The following BMP8B variants were observed in gnomAD, a reference collection of about 807,000 sequenced individuals.
BMP8B encodes the protein bone morphogenetic protein 8 (osteogenic protein 2).
In BMP8B, 17 loss-of-function variants were observed where a neutral mutation model predicts 30.3. The ratio of observed to expected loss-of-function variants is 0.56; its 90% CI spans 0.38 to 0.84. BMP8B has a LOEUF of 0.84. Among genes scored for constraint, BMP8B ranks in the 40% least tolerant of loss-of-function variants. The pLI is 0.00. For missense variants in BMP8B, 253 were observed against 494.6 expected, an observed-to-expected ratio of 0.51 and a Z score of 4.63; for synonymous variants, 131 against 214.7, an observed-to-expected ratio of 0.61 and a Z score of 3.41.
intron 3 of BMP8B, chr1:39,770,774 T>C (rs1382055282): frequency 1.1e-6 from 1 of 876,520 alleles, no homozygotes; most frequent in Admixed American, 3.1e-5. Flanking sequence ...CAGGGTCCCG[T>C]AGCCCGTGGG....
intron 1 of BMP8B, among the ~76,000 whole-genome samples, chr1:39,778,272 C>T (rs1650370948): frequency 6.6e-6 from 1 of 151,814 alleles, no homozygotes; most frequent in South Asian, 2.1e-4. Context: ...CCGACATTCC[C>T]GTTGCTGTGG....
intron 1 of BMP8B, among the ~76,000 whole-genome samples, chr1:39,784,642 G>A (rs1650860154): frequency 8.4e-6 from 1 of 118,574 alleles, no homozygotes; most frequent in Non-Finnish European, 1.9e-5. Context: ...GAAAATGAAA[G>A]AGGTCCCTGG....
rs987573383 is a variant in BMP8B at position 39,758,737 on chromosome 1, T to C, written c.*1682A>G. 1 of 152,316 alleles carries C rather than the reference T, an allele frequency of 6.6e-6. No individual in the cohort carries two copies. The highest frequency in any genetic ancestry group is 1.9e-4 in the East Asian group (1 of 5,206). The allele number at this position is 152,316 out of a possible 1,614,324, so 9.4% of individuals were successfully genotyped here. ...GGTCTCTTCACCTCCAGGCCAGAGC[T>C]GAGATCCCTGTGCTGATAGGGAATT... On this transcript the variant is annotated 3_prime_UTR_variant, in exon 7 of 7. Coordinates refer to ENST00000372827, the MANE Select transcript of BMP8B (RefSeq NM_001720.5).
Position 39,788,658 on chromosome 1 carries a change from C to T in BMP8B, c.-173G>A. The T allele has an allele frequency of 2.1e-6, 1 of 475,438 alleles. No individual in the cohort carries two copies. The highest frequency in any genetic ancestry group is 8.8e-5 in the South Asian group (1 of 11,336). 29.5% of individuals were successfully genotyped at this position (475,438 alleles called of 1,614,324 possible). The stretch of plus-strand genomic sequence containing the variant: ...GCCTCAGCGCGGTCCCTGGAGCGCC[C>T]GCCGCGCGACACCTGTCCTGGCTCC... On this transcript the variant is annotated 5_prime_UTR_variant, in exon 1 of 7. Coordinates refer to ENST00000372827, the MANE Select transcript of BMP8B (RefSeq NM_001720.5). This position sits in a 1 kb window ranked among gnomAD's most constrained non-coding sequence, Gnocchi z 5.8.
chr1:39,785,506 G>A (rs1650910486), intron 1 of BMP8B, among the ~76,000 whole-genome samples: 1 of 152,242 alleles, frequency 6.6e-6, no homozygotes, highest in South Asian at 2.1e-4. Context: ...ATGGTGGGAG[G>A]CCTATGAGAG....
chr1:39,778,018 T>C (rs1453216977), intron 1 of BMP8B, among the ~76,000 whole-genome samples: 1 of 152,240 alleles, frequency 6.6e-6, no homozygotes, highest in Non-Finnish European at 1.5e-5. Context: ...GCTGTTCCTC[T>C]GGACAGCGAG....
intron 1 of BMP8B, among the ~76,000 whole-genome samples, chr1:39,780,975 A>G (rs1333016229): frequency 1.3e-5 from 2 of 152,166 alleles, no homozygotes; most frequent in African/African-American, 4.8e-5. Context: ...GGTCTTCTGA[A>G]CTGTTGAACC....
At chr1:39,776,469 G>A (rs1424996935) in intron 1 of BMP8B, among the ~76,000 whole-genome samples, 1 of 152,220 alleles carries the variant, frequency 6.6e-6, no homozygotes, top group African/African-American at 2.4e-5. Context: ...CAGTGACCAC[G>A]GTCAGGTTTG....
intron 1 of BMP8B, among the ~76,000 whole-genome samples, chr1:39,786,815 G>T (rs546950001): frequency 1.3e-5 from 2 of 152,344 alleles, no homozygotes; most frequent in South Asian, 4.1e-4. Context: ...GCTCAGTGAT[G>T]GTGAATGGCT....
At chr1:39,780,775 C>G (rs1393480007) in intron 1 of BMP8B, among the ~76,000 whole-genome samples, 1 of 152,214 alleles carries the variant, frequency 6.6e-6, no homozygotes, top group Non-Finnish European at 1.5e-5. Flanking sequence ...GGCACCTGTA[C>G]TTCCCAGCTA....
At chr1:39,786,441 C>T (rs1810491) in intron 1 of BMP8B, among the ~76,000 whole-genome samples, 1 of 152,176 alleles carries the variant, frequency 6.6e-6, no homozygotes, top group Non-Finnish European at 1.5e-5. Flanking sequence ...CCTCATTTTA[C>T]AAGGAGCAAC....
In BMP8B at chr1:39,763,751, C is replaced by T; in HGVS notation, c.909G>A (p.Arg303=). 2.5e-6 allele frequency: 4 copies of T among 1,604,054 alleles called. No individual in the cohort carries two copies. The highest frequency in any genetic ancestry group is 3.4e-6 in the Non-Finnish European group (4 of 1,175,054). ...CCTGGAAGCTGACGTAGAGCTCGTG[C>T]CGACGGCAGACCTGCCGGCCGTGGG... ...HGSHGRQVCR[R]HELYVSFQDL... The change falls in exon 5 of 7, where the codon CGG becomes CGA. Residue 303 remains arginine (R), a synonymous_variant. Transcript: ENST00000372827.
rs1346061487 is a variant in BMP8B at position 39,769,648 on chromosome 1, A to G, written c.673+4660T>C. On this transcript the variant is annotated intron_variant, in intron 3 of 6. Coordinates refer to ENST00000372827, the MANE Select transcript of BMP8B (RefSeq NM_001720.5). Reference sequence around the variant, plus strand: ...CTGGGGACATGTATTCCCCTGGGGAACCCGGTGGCACCCGCCCTGAGGAGC... The same window carrying G: ...CTGGGGACATGTATTCCCCTGGGGAGCCCGGTGGCACCCGCCCTGAGGAGC... The G allele has an allele frequency of 2.2e-5, 33 of 1,470,920 alleles. 2 individuals carry two copies. The highest frequency in any genetic ancestry group is 2.8e-5 in the Non-Finnish European group (31 of 1,112,206). The allele number at this position is 1,470,920 out of a possible 1,614,324, so 91.1% of individuals were successfully genotyped here.
At chr1:39,761,152 G>C (rs566807709) in intron 6 of BMP8B, 2 of 154,354 alleles carry the variant, frequency 1.3e-5, no homozygotes, top group Non-Finnish European at 2.9e-5. Flanking sequence ...CTGAACTCCA[G>C]ACTTGTGGAT....
chr1:39,770,641 T>G, intron 3 of BMP8B: 4 of 1,539,662 alleles, frequency 2.6e-6, no homozygotes, highest in Admixed American at 1.8e-5. Flanking sequence ...GGGCGAAGTC[T>G]GCCCGGATGG....
At chr1:39,782,221 G>A (rs1410545051) in intron 1 of BMP8B, among the ~76,000 whole-genome samples, 1 of 151,878 alleles carries the variant, frequency 6.6e-6, no homozygotes, top group East Asian at 1.9e-4. Context: ...GGCACTCCAG[G>A]CAGCTGGGTC....
chr1:39,768,081 T>C (rs1557478181), intron 3 of BMP8B, among the ~76,000 whole-genome samples: 1 of 145,398 alleles, frequency 6.9e-6, no homozygotes, highest in East Asian at 2.0e-4. Flanking sequence ...CACGCGTGCA[T>C]GCACACACAC....
At chr1:39,776,179 T>A (rs1650216514) in intron 1 of BMP8B, among the ~76,000 whole-genome samples, 1 of 152,086 alleles carries the variant, frequency 6.6e-6, no homozygotes, top group Non-Finnish European at 1.5e-5. Flanking sequence ...AGGCTGGAAG[T>A]GAGATGGGCA....
intron 6 of BMP8B, chr1:39,762,692 A>G (rs1290513633): frequency 6.7e-6 from 10 of 1,481,980 alleles, no homozygotes; most frequent in Non-Finnish European, 9.0e-6. Context: ...CTGTGCACAC[A>G]TATCACGGGC....
Sources: gnomAD v4.1 joint callset for allele counts (sites outside exome capture counted in the v4.1 genomes callset) on GRCh38, gnomAD v4.1.1 for gene constraint, Gnocchi (gnomAD v3.1) non-coding constraint, MANE v1.5 for transcripts, NCBI Gene and HGNC (gene_info 2026-07-23, HGNC 2026-07-21) for gene names.